TENM1: variants seen among roughly 807,000 people sequenced by gnomAD.
The protein encoded by TENM1 is teneurin transmembrane protein 1.
TENM1 carries 35 observed loss-of-function variants against 174.8 expected under a neutral mutation model. That is an observed-to-expected ratio of 0.20 (90% CI 0.15 to 0.27). The LOEUF is 0.27. TENM1 is among the 10% of genes least tolerant of loss of function. TENM1 has a pLI of 1.00. For missense variants in TENM1, 1,633 were observed against 2,130.1 expected, an observed-to-expected ratio of 0.77 and a Z score of 4.59; for synonymous variants, 781 against 798.7, an observed-to-expected ratio of 0.98 and a Z score of 0.37.
At chrX:125,009,573 C>T in the TENM1 span, among the ~76,000 whole-genome samples, 1 of 111,202 alleles carries the variant, frequency 9.0e-6, no homozygotes, top group African/African-American at 3.3e-5. Flanking sequence ...GACAGAGATA[C>T]AACAAAAAAA....
At chrX:124,772,667 T>G (rs755139481) in intron 3 of TENM1, among the ~76,000 whole-genome samples, 1 of 112,026 alleles carries the variant, frequency 8.9e-6, no homozygotes, top group Non-Finnish European at 1.9e-5. Flanking sequence ...TCTAAAATAA[T>G]ATTGTATACT....
intron 25 of TENM1, among the ~76,000 whole-genome samples, chrX:124,414,970 C>T (rs892002427): frequency 4.5e-5 from 5 of 111,656 alleles, no homozygotes; most frequent in African/African-American, 1.6e-4. Flanking sequence ...CTCCCTTTTA[C>T]CTCGGGGAAT....
At chrX:124,624,714 T>C (rs1208554855) in intron 11 of TENM1, among the ~76,000 whole-genome samples, 1 of 111,972 alleles carries the variant, frequency 8.9e-6, no homozygotes, top group East Asian at 2.8e-4. Flanking sequence ...TCTTCATTTA[T>C]AAAATGGGGA....
chrX:124,958,961 A>ATG (rs1259881843), intron 1 of TENM1, among the ~76,000 whole-genome samples: 2 of 111,072 alleles, frequency 1.8e-5, no homozygotes, highest in Non-Finnish European at 3.8e-5. Context: ...AAAGGCATCT[A>ATG]GTACCGTACC....
chrX:124,522,710 CAG>C (rs1386490268), intron 17 of TENM1, among the ~76,000 whole-genome samples: 2 of 98,797 alleles, frequency 2.0e-5, no homozygotes, highest in African/African-American at 7.9e-5. Context: ...TTTTTGGAGA[CAG>C]AGTTTCACTC....
chrX:124,519,259 G>T (rs1346679202), intron 18 of TENM1, among the ~76,000 whole-genome samples: 1 of 111,400 alleles, frequency 9.0e-6, no homozygotes, highest in Non-Finnish European at 1.9e-5. Context: ...TTATTTTTTT[G>T]TGTGTCTTTA....
At chrX:124,654,963 G>C (rs1344476960) in intron 6 of TENM1, among the ~76,000 whole-genome samples, 2 of 111,864 alleles carry the variant, frequency 1.8e-5, no homozygotes, top group African/African-American at 6.5e-5. Context: ...AGAAGGAGAA[G>C]ATATGAGAGA....
At chrX:125,139,872 A>ACG in the TENM1 span, among the ~76,000 whole-genome samples, 9 of 108,445 alleles carry the variant, frequency 8.3e-5, no homozygotes, top group South Asian at 8.2e-4. Flanking sequence ...AGAGAGAGAG[A>ACG]GAGAGAGAGA....
At chrX:124,423,344 A>C (rs996914891) in intron 23 of TENM1, among the ~76,000 whole-genome samples, 12 of 111,853 alleles carry the variant, frequency 1.1e-4, no homozygotes, top group African/African-American at 3.9e-4. Context: ...TTAGCAAAGA[A>C]ACAGGTTGTT....
chrX:124,649,928 A>C (rs186560745), intron 8 of TENM1, among the ~76,000 whole-genome samples: 1 of 110,981 alleles, frequency 9.0e-6, no homozygotes, highest in Non-Finnish European at 1.9e-5. Flanking sequence ...GAGGTCAGGC[A>C]TGGTGGCTCA....
the TENM1 span, among the ~76,000 whole-genome samples, chrX:125,067,726 GT>G: frequency 3.3e-4 from 37 of 112,115 alleles, 1 homozygote; most frequent in African/African-American, 1.1e-3. Flanking sequence ...AAAAGTGGTT[GT>G]TCATTGTTTT....
At chrX:124,854,270 A>T (rs1167999614) in intron 3 of TENM1, among the ~76,000 whole-genome samples, 1 of 111,553 alleles carries the variant, frequency 9.0e-6, no homozygotes, top group Non-Finnish European at 1.9e-5. Flanking sequence ...AACCAAATAT[A>T]GTATGTTCTC....
chrX:124,663,864 G>A (rs866672739), intron 6 of TENM1, among the ~76,000 whole-genome samples: 8 of 109,176 alleles, frequency 7.3e-5, no homozygotes, highest in Middle Eastern at 4.3e-3. Flanking sequence ...AAATAAGTTT[G>A]TCTTTCAGCA....
chrX:124,928,899 C>T (rs1391550228), intron 1 of TENM1, among the ~76,000 whole-genome samples: 1 of 111,731 alleles, frequency 9.0e-6, no homozygotes, highest in East Asian at 2.8e-4. Flanking sequence ...GTATTGTATT[C>T]AAAACATTTG....
At chrX:124,383,399 T>G (rs911276812) in intron 30 of TENM1, among the ~76,000 whole-genome samples, 1 of 112,046 alleles carries the variant, frequency 8.9e-6, no homozygotes, top group African/African-American at 3.2e-5. Flanking sequence ...CATATAAGCT[T>G]GTAAGAGTAA....
chrX:124,918,479 C>T (rs2057965584), intron 1 of TENM1, among the ~76,000 whole-genome samples: 1 of 108,327 alleles, frequency 9.2e-6, no homozygotes, highest in African/African-American at 3.4e-5. Flanking sequence ...CGCGCCCAGC[C>T]GAGGCTGAAA....
At chrX:124,989,622 A>C in the TENM1 span, among the ~76,000 whole-genome samples, 1 of 111,249 alleles carries the variant, frequency 9.0e-6, no homozygotes, top group Non-Finnish European at 1.9e-5. Flanking sequence ...ACTTATTACA[A>C]AATGTCAGTA....
chrX:124,395,136 T>C (rs2060320077), intron 27 of TENM1, among the ~76,000 whole-genome samples: 1 of 111,565 alleles, frequency 9.0e-6, no homozygotes, highest in Admixed American at 9.5e-5. Context: ...TCTCAGTCCA[T>C]CCTTACTAGC....
intron 23 of TENM1, among the ~76,000 whole-genome samples, chrX:124,440,803 T>G (rs941158573): frequency 9.0e-6 from 1 of 111,386 alleles, no homozygotes; most frequent in Admixed American, 9.5e-5. Context: ...TTTAAATGGC[T>G]TTTGGTGCTG....
Sources: gnomAD v4.1 joint callset for allele counts (sites outside exome capture counted in the v4.1 genomes callset) on GRCh38, gnomAD v4.1.1 for gene constraint, MANE v1.5 for transcripts, NCBI Gene and HGNC (gene_info 2026-07-23, HGNC 2026-07-21) for gene names.